The following EPB41L5 variants were observed in gnomAD, a reference collection of about 807,000 sequenced individuals.
EPB41L5 encodes erythrocyte membrane protein band 4.1 like 5, also known as band 4.1-like protein 5.
A neutral mutation model predicts 106.6 loss-of-function variants in EPB41L5; 55 were observed. That is an observed-to-expected ratio of 0.52 (90% CI 0.42 to 0.65). The LOEUF (loss-of-function observed/expected upper bound fraction) is 0.65. Ranked by LOEUF, EPB41L5 falls within the 30% of genes least tolerant of loss-of-function variation. The pLI is 0.00. For synonymous variants in EPB41L5, 297 were observed against 306.7 expected (o/e 0.97, Z 0.33); for missense variants, 871 against 882.1 (o/e 0.99, Z 0.16).
intron 17 of EPB41L5, among the ~76,000 whole-genome samples, chr2:120,129,127 C>T (rs1408005194): frequency 6.6e-6 from 1 of 152,048 alleles, no homozygotes; most frequent in East Asian, 1.9e-4. Flanking sequence ...AACCATGGTA[C>T]CACGTAATAT....
At chr2:120,164,993 T>TA in intron 22 of EPB41L5, 83 bp downstream of exon 22, 1 of 1,036,794 alleles carries the variant, frequency 9.6e-7, no homozygotes, top group Non-Finnish European at 1.4e-6. Flanking sequence ...TTTTCCTTTT[T>TA]AATAATTCAG....
intron 17 of EPB41L5, among the ~76,000 whole-genome samples, chr2:120,130,384 G>A (rs74690345): frequency 0.021 from 3,225 of 152,242 alleles, 114 homozygotes; most frequent in African/African-American, 0.073. Context: ...ATCCAATTGT[G>A]TATTTTATTT....
At chr2:120,153,550 C>G (rs1211094367) in intron 20 of EPB41L5, among the ~76,000 whole-genome samples, 1 of 152,058 alleles carries the variant, frequency 6.6e-6, no homozygotes, top group South Asian at 2.1e-4. Context: ...GATCTTTTCT[C>G]TGGTTGTTCT....
chr2:120,037,387 T>C (rs921307274), intron 2 of EPB41L5, among the ~76,000 whole-genome samples: 1 of 152,182 alleles, frequency 6.6e-6, no homozygotes, highest in Non-Finnish European at 1.5e-5. Context: ...AACGATGTTA[T>C]TTGCAGAAAT....
At chr2:120,069,119 ACT>A (rs1295425416) in intron 3 of EPB41L5, among the ~76,000 whole-genome samples, 1 of 128,902 alleles carries the variant, frequency 7.8e-6, no homozygotes, top group Non-Finnish European at 1.6e-5. Flanking sequence ...CAAGAGTGAA[ACT>A]CTGTCTCAAA....
chr2:120,116,610 C>T (rs1236349051), intron 16 of EPB41L5, among the ~76,000 whole-genome samples: 1 of 152,198 alleles, frequency 6.6e-6, no homozygotes, highest in African/African-American at 2.4e-5. Context: ...CAGCCTCAAT[C>T]TCCTAGACTC....
At chr2:120,067,174 A>G (rs182061773) in intron 3 of EPB41L5, among the ~76,000 whole-genome samples, 5 of 152,348 alleles carry the variant, frequency 3.3e-5, no homozygotes, top group African/African-American at 7.2e-5. Context: ...TCAAGAAAAT[A>G]TTGCATAGCA....
At chr2:120,067,886 A>G (rs936976868) in intron 3 of EPB41L5, among the ~76,000 whole-genome samples, 2 of 152,206 alleles carry the variant, frequency 1.3e-5, no homozygotes, top group African/African-American at 4.8e-5. Context: ...TGCAAGAGTC[A>G]TTTATTTGGG....
intron 18 of EPB41L5, among the ~76,000 whole-genome samples, chr2:120,134,296 A>G (rs1213473228): frequency 6.6e-6 from 1 of 152,088 alleles, no homozygotes. Context: ...GTAGATTCCT[A>G]CAGTTCCCAA....
At chr2:120,100,845 A>T (rs1574668169) in intron 16 of EPB41L5, 31 bp downstream of exon 16, 1 of 1,389,080 alleles carries the variant, frequency 7.2e-7, no homozygotes, top group African/African-American at 1.4e-5. Context: ...AAAATAAAAT[A>T]TTGCCTAGTT....
intron 16 of EPB41L5, among the ~76,000 whole-genome samples, chr2:120,114,579 T>A (rs1684867134): frequency 6.6e-6 from 1 of 152,186 alleles, no homozygotes; most frequent in African/African-American, 2.4e-5. Flanking sequence ...GAAGAGCACC[T>A]GCATTTCATT....
rs888794491 is a variant in EPB41L5, at chr2:120,016,627, A to T, written c.-8-2450A>T. On this transcript the variant is annotated intron_variant, in intron 1 of 24. Transcript: ENST00000263713. ...TGTTCGTTTTTATGAACATCTTTTAAATTATCTTTTAGGACTTTTTCGTAT... is the reference window on the plus strand; with the variant it reads ...TGTTCGTTTTTATGAACATCTTTTATATTATCTTTTAGGACTTTTTCGTAT... 2.6e-5 allele frequency among the ~76,000 whole-genome samples: 4 copies of T among 152,000 alleles called. No homozygotes were observed. In the East Asian group the frequency reaches 7.7e-4, roughly 29 times the overall value.
intron 14 of EPB41L5, among the ~76,000 whole-genome samples, chr2:120,093,968 CTCTTT>C (rs1439646760): frequency 6.6e-6 from 1 of 151,870 alleles, no homozygotes; most frequent in East Asian, 2.0e-4. Flanking sequence ...TTCTTTTCTT[CTCTTT>C]TTTTTTGTTG....
chr2:120,053,126 A>G (rs949902388), intron 3 of EPB41L5, among the ~76,000 whole-genome samples: 8 of 152,128 alleles, frequency 5.3e-5, no homozygotes, highest in African/African-American at 1.9e-4. Flanking sequence ...GATGGACTGA[A>G]TTATTTGGAA....
At chr2:120,148,060 T>C (rs1233414244) in intron 20 of EPB41L5, among the ~76,000 whole-genome samples, 1 of 152,152 alleles carries the variant, frequency 6.6e-6, no homozygotes, top group Non-Finnish European at 1.5e-5. Context: ...TGGAGAAGTA[T>C]ATAATATACT....
intron 1 of EPB41L5, among the ~76,000 whole-genome samples, chr2:120,015,808 G>A (rs898964983): frequency 6.6e-6 from 1 of 151,526 alleles, no homozygotes; most frequent in Non-Finnish European, 1.5e-5. Flanking sequence ...ACGTTAGCCC[G>A]GTGGGATGGT....
At chr2:120,130,008 T>C (rs1307393577) in intron 17 of EPB41L5, among the ~76,000 whole-genome samples, 1 of 152,092 alleles carries the variant, frequency 6.6e-6, no homozygotes, top group Non-Finnish European at 1.5e-5. Flanking sequence ...TAGCCGGCCA[T>C]GGTGGCAGGC....
intron 2 of EPB41L5, among the ~76,000 whole-genome samples, chr2:120,031,442 G>T (rs1056190680): frequency 4.6e-5 from 7 of 152,206 alleles, no homozygotes; most frequent in African/African-American, 7.2e-5. Context: ...AATTTGTTAG[G>T]TGGGGATAAA....
intron 16 of EPB41L5, among the ~76,000 whole-genome samples, chr2:120,115,902 G>T (rs953853467): frequency 6.6e-6 from 1 of 151,948 alleles, no homozygotes. Flanking sequence ...CTCTGCCTCC[G>T]AGGTTCAGGC....
Sources: allele counts gnomAD v4.1 joint callset (sites outside exome capture counted in the v4.1 genomes callset), GRCh38; gene constraint gnomAD v4.1.1; transcripts MANE v1.5; gene names NCBI Gene and HGNC (gene_info 2026-07-23, HGNC 2026-07-21).